Variants in GULP1 observed in about 807,000 individuals in gnomAD.
GULP1 encodes GULP PTB domain containing engulfment adaptor 1.
Under a neutral mutation model 40.9 loss-of-function variants are expected in GULP1, and 19 were observed. That is an observed-to-expected ratio of 0.46 (90% CI 0.32 to 0.68). GULP1 has a LOEUF of 0.68. Ranked by LOEUF, GULP1 falls within the 30% of genes least tolerant of loss-of-function variation. GULP1 has a pLI of 0.03. For missense variants in GULP1, 312 were observed against 362.2 expected, an observed-to-expected ratio of 0.86 and a Z score of 1.12; for synonymous variants, 119 against 117.6, an observed-to-expected ratio of 1.01 and a Z score of -0.08.
intron 1 of GULP1, among the ~76,000 whole-genome samples, chr2:188,355,587 T>C (rs532938262): frequency 1.6e-4 from 24 of 152,228 alleles, no homozygotes; most frequent in African/African-American, 5.5e-4. Context: ...TGCTGAATTC[T>C]ACCAAACTTG....
At chr2:188,410,759 T>C (rs1391821461) in intron 2 of GULP1, among the ~76,000 whole-genome samples, 1 of 152,296 alleles carries the variant, frequency 6.6e-6, no homozygotes, top group African/African-American at 2.4e-5. Flanking sequence ...GGTTAGCAGA[T>C]GGAAGAGGTC....
chr2:188,356,239 A>G (rs1234373420), intron 1 of GULP1, among the ~76,000 whole-genome samples: 3 of 152,112 alleles, frequency 2.0e-5, no homozygotes, highest in Admixed American at 2.0e-4. Flanking sequence ...GAAAGAAGGA[A>G]ATGAAATTGT....
At chr2:188,355,770 G>C (rs556491527) in intron 1 of GULP1, among the ~76,000 whole-genome samples, 1 of 151,876 alleles carries the variant, frequency 6.6e-6, no homozygotes, top group Non-Finnish European at 1.5e-5. Flanking sequence ...TGCAAAAATG[G>C]CTTATAAAAT....
At chr2:188,333,169 C>G (rs527855912) in intron 1 of GULP1, among the ~76,000 whole-genome samples, 2 of 151,728 alleles carry the variant, frequency 1.3e-5, no homozygotes, top group Non-Finnish European at 2.9e-5. Context: ...TGCTTGAACC[C>G]AGGAGACTGA....
chr2:188,502,459 C>T (rs2063522922), intron 4 of GULP1, among the ~76,000 whole-genome samples: 1 of 151,780 alleles, frequency 6.6e-6, no homozygotes, highest in South Asian at 2.1e-4. Context: ...AAAGTAATGT[C>T]TATAATTTAT....
chr2:188,364,853 CAA>C (rs1409068809), intron 1 of GULP1, among the ~76,000 whole-genome samples: 1 of 142,822 alleles, frequency 7.0e-6, no homozygotes, highest in East Asian at 2.1e-4. Flanking sequence ...TATGTATCCA[CAA>C]ACACACACAC....
At chr2:188,378,222 A>G (rs1002585674) in intron 1 of GULP1, among the ~76,000 whole-genome samples, 6 of 151,306 alleles carry the variant, frequency 4.0e-5, no homozygotes, top group African/African-American at 1.5e-4. Context: ...AGCTACAGTC[A>G]TTTTAGTCAC....
At chr2:188,436,618 A>G (rs2057431608) in intron 2 of GULP1, among the ~76,000 whole-genome samples, 2 of 152,206 alleles carry the variant, frequency 1.3e-5, no homozygotes, top group South Asian at 4.1e-4. Flanking sequence ...GAAAAAAGAG[A>G]CATTAAAATT....
rs903141159 is a variant in GULP1 at position 188,291,897 on chromosome 2, A to C, written c.-441A>C. On this transcript the variant is annotated 5_prime_UTR_variant, in exon 1 of 12. Transcript: ENST00000409830. ...GCGTTCCCGGCCGGGAGCGACCCGG[A>C]GTCCCCAGCCCCGCGTCCCAGCTGC... 6.6e-6 allele frequency: 1 copy of C among 151,640 alleles called. No homozygotes were observed. Among genetic ancestry groups the C allele is most frequent in the African/African-American group, 2.4e-5 (1 of 41,158 alleles). The allele number at this position is 151,640 out of a possible 1,614,324, so 9.4% of individuals were successfully genotyped here.
rs77061459 is a variant in GULP1 at position 188,340,723 on chromosome 2, G to A, written c.-171-43040G>A. ...ACCCGTCACACCCGAGCTCTTTTTC[G>A]GCATCCGGGAAAAATCAGATCGCAC... On this transcript the variant is annotated intron_variant, in intron 1 of 11. Transcript: ENST00000409830. 6.5e-3 allele frequency among the ~76,000 whole-genome samples: 984 copies of A among 152,130 alleles called. 14 individuals are homozygous for A. Among genetic ancestry groups the A allele is most frequent in the African/African-American group, 0.023 (948 of 41,486 alleles).
At chr2:188,526,172 T>G (rs1256301807) in intron 5 of GULP1, among the ~76,000 whole-genome samples, 2 of 152,156 alleles carry the variant, frequency 1.3e-5, no homozygotes, top group African/African-American at 4.8e-5. Context: ...TAGTATATAT[T>G]TAACCAAATA....
At chr2:188,331,435 T>G (rs1048177690) in intron 1 of GULP1, among the ~76,000 whole-genome samples, 2 of 152,238 alleles carry the variant, frequency 1.3e-5, no homozygotes, top group African/African-American at 4.8e-5. Context: ...TTGAAAACAC[T>G]ATCTGTGGTT....
intron 2 of GULP1, among the ~76,000 whole-genome samples, chr2:188,465,038 G>A (rs2060001852): frequency 1.3e-5 from 2 of 151,984 alleles, no homozygotes; most frequent in Middle Eastern, 6.8e-3. Flanking sequence ...GCAAGACAAT[G>A]TCCCCTTTAC....
chr2:188,370,191 G>A (rs1358049160), intron 1 of GULP1, among the ~76,000 whole-genome samples: 1 of 152,080 alleles, frequency 6.6e-6, no homozygotes, highest in Non-Finnish European at 1.5e-5. Context: ...CTTAAGGTAG[G>A]GTTATTCTTC....
chr2:188,422,199 C>T (rs1465650882), intron 2 of GULP1, among the ~76,000 whole-genome samples: 1 of 149,484 alleles, frequency 6.7e-6, no homozygotes, highest in Non-Finnish European at 1.5e-5. Context: ...TTCTTCAGCT[C>T]AAAATTCTCC....
chr2:188,334,252 G>A (rs954228483), intron 1 of GULP1, among the ~76,000 whole-genome samples: 4 of 152,080 alleles, frequency 2.6e-5, no homozygotes, highest in Admixed American at 2.0e-4. Flanking sequence ...GAATATAATA[G>A]GCACTGCATT....
intron 10 of GULP1, among the ~76,000 whole-genome samples, chr2:188,585,327 T>C (rs1702149797): frequency 6.6e-6 from 1 of 152,182 alleles, no homozygotes; most frequent in African/African-American, 2.4e-5. Context: ...TGAAAGACAG[T>C]GGCCCTCTTC....
At chr2:188,321,677 T>C (rs2039998361) in intron 1 of GULP1, among the ~76,000 whole-genome samples, 1 of 152,120 alleles carries the variant, frequency 6.6e-6, no homozygotes, top group South Asian at 2.1e-4. Flanking sequence ...CTTTTTTTTT[T>C]CAGTACACAT....
intron 1 of GULP1, among the ~76,000 whole-genome samples, chr2:188,324,254 C>T (rs2040435953): frequency 6.6e-6 from 1 of 152,038 alleles, no homozygotes; most frequent in Non-Finnish European, 1.5e-5. Context: ...TTACTTAGGA[C>T]TAAATGAGTA....
Sources: gnomAD v4.1 joint callset for allele counts (sites outside exome capture counted in the v4.1 genomes callset) on GRCh38, gnomAD v4.1.1 for gene constraint, MANE v1.5 for transcripts, NCBI Gene and HGNC (gene_info 2026-07-23, HGNC 2026-07-21) for gene names.